The following PDIA5 variants were observed in gnomAD, a reference collection of about 807,000 sequenced individuals.
The protein encoded by PDIA5 is protein disulfide isomerase family A member 5.
Under a neutral mutation model 77.6 loss-of-function variants are expected in PDIA5, and 58 were observed. That is an observed-to-expected ratio of 0.75 (90% CI 0.61 to 0.93). The LOEUF is 0.93. Among genes scored for constraint, PDIA5 ranks in the 40% least tolerant of loss-of-function variants. The pLI is 0.00. For synonymous variants in PDIA5, 250 were observed against 252.1 expected (o/e 0.99, Z 0.08); for missense variants, 630 against 647.7 (o/e 0.97, Z 0.30).
rs186294858 is a variant in PDIA5 at position 123,151,098 on chromosome 3, C to T, written c.1273+734C>T. On this transcript the variant is annotated intron_variant, in intron 14 of 16. Coordinates refer to ENST00000316218, the MANE Select transcript of PDIA5 (RefSeq NM_006810.4). Reference sequence around the variant, plus strand: ...TAAACCTGCTCAGTTGTAGCTGGCCCTCCTGTTGGCTCCCCCGTCCCCACC... The same window carrying T: ...TAAACCTGCTCAGTTGTAGCTGGCCTTCCTGTTGGCTCCCCCGTCCCCACC... Among the ~76,000 whole-genome samples the T allele has an allele frequency of 1.4e-4, 22 of 152,320 alleles. No individual in the cohort carries two copies. The East Asian group carries it at 4.1e-3, about 28-fold the overall frequency.
intron 1 of PDIA5, among the ~76,000 whole-genome samples, chr3:123,084,367 G>T (rs1576435086): frequency 6.6e-6 from 1 of 151,872 alleles, no homozygotes; most frequent in Non-Finnish European, 1.5e-5. Context: ...CTTTGGCCCT[G>T]TCCCAGCCTC....
At chr3:123,106,877 A>C in intron 6 of PDIA5, 36 bp downstream of exon 6, 17 of 1,413,434 alleles carry the variant, frequency 1.2e-5, no homozygotes, top group African/African-American at 1.4e-5. Flanking sequence ...TGGATGCTGG[A>C]AGCTTCCCTG....
intron 3 of PDIA5, among the ~76,000 whole-genome samples, chr3:123,094,713 G>T (rs1242167413): frequency 6.6e-6 from 1 of 152,262 alleles, no homozygotes; most frequent in Admixed American, 6.5e-5. Context: ...GAACGAGTAG[G>T]TGGCACGGGG....
chr3:123,068,004 G>A (rs552962966), intron 1 of PDIA5, among the ~76,000 whole-genome samples: 1 of 152,142 alleles, frequency 6.6e-6, no homozygotes, highest in African/African-American at 2.4e-5. Context: ...TTGGTGGGGG[G>A]GACTCCAGGC....
Position 123,089,346 on chromosome 3 carries a change from C to T in PDIA5, c.169+52C>T, listed in dbSNP as rs747581390. On this transcript the variant is annotated intron_variant, in intron 2 of 16. Transcript: ENST00000316218. ...TCAACCATCGGGGTAGGATGGGATT[C>T]AGGGGAAGGAGTGGGAGGCAGGAGA... 4.4e-6 allele frequency: 7 copies of T among 1,587,952 alleles called. No homozygotes were observed. In the Admixed American group the frequency reaches 8.4e-5, roughly 19 times the overall value.
At chr3:123,100,543 G>C (rs1413197997) in intron 3 of PDIA5, among the ~76,000 whole-genome samples, 1 of 152,132 alleles carries the variant, frequency 6.6e-6, no homozygotes, top group Non-Finnish European at 1.5e-5. Flanking sequence ...AGTCCCCACT[G>C]TTTGCCAGGC....
intron 11 of PDIA5, among the ~76,000 whole-genome samples, chr3:123,143,450 G>T (rs904295358): frequency 6.6e-6 from 1 of 151,374 alleles, no homozygotes; most frequent in African/African-American, 2.4e-5. Flanking sequence ...TGAGTGTGTA[G>T]TGTGGGTACA....
At chr3:123,123,099 A>T (rs960196730) in intron 8 of PDIA5, among the ~76,000 whole-genome samples, 4 of 151,796 alleles carry the variant, frequency 2.6e-5, no homozygotes, top group Admixed American at 6.6e-5. Flanking sequence ...ACACAGCAAG[A>T]CCTCATCTCT....
chr3:123,144,235 C>T (rs544198816), intron 11 of PDIA5, among the ~76,000 whole-genome samples: 116 of 152,284 alleles, frequency 7.6e-4, no homozygotes, highest in African/African-American at 2.7e-3. Context: ...GTCTTGCTTT[C>T]TTCTTGTCTT....
At chr3:123,087,714 G>A (rs761273987) in intron 1 of PDIA5, among the ~76,000 whole-genome samples, 31 of 151,886 alleles carry the variant, frequency 2.0e-4, no homozygotes, top group Non-Finnish European at 3.8e-4. Flanking sequence ...TTTTGTAACC[G>A]GTGAACCTTG....
rs780086611 is a variant in PDIA5 at position 123,092,398 on chromosome 3, C to T, written c.213C>T (p.Ala71=). 5.5e-5 allele frequency: 89 copies of T among 1,613,838 alleles called. No individual in the cohort carries two copies. The Admixed American group carries it at 6.3e-4, about 11-fold the overall frequency. The change falls in exon 3 of 17, where the codon GCC becomes GCT. Residue 71 remains alanine, a synonymous_variant. Transcript: ENST00000316218. The part of the protein sequence containing the change: ...ENHLRLLSTV[A]QAVKGQGTIC... ...ATCTCAGGTTACTGTCCACAGTGGC[C>T]CAGGCGGTGAAAGGACAAGGGACCA...
chr3:123,067,331 G>A (rs1933594230), intron 1 of PDIA5, 125 bp downstream of exon 1: 4 of 827,442 alleles, frequency 4.8e-6, no homozygotes, highest in Non-Finnish European at 4.9e-6. Flanking sequence ...GGATGAGGGC[G>A]TGCATGCCAG....
At position 123,092,341 on chromosome 3, in the gene PDIA5, T is replaced by G. The variant is rs767081959; in HGVS notation, c.170-14T>G. 3.4e-5 allele frequency: 50 copies of G among 1,460,458 alleles called. No individual in the cohort carries two copies. The Middle Eastern group carries it at 1.2e-3, about 36-fold the overall frequency. 90.5% of individuals were successfully genotyped at this position (1,460,458 alleles called of 1,614,324 possible). ...TTGGTCACAGATGTTTAATTTTTTG[T>G]TTTTTTTTTACAGAGGTGGCAGCTG... On this transcript the variant is annotated splice_polypyrimidine_tract_variant and intron_variant, in intron 2 of 16. Coordinates refer to ENST00000316218, the MANE Select transcript of PDIA5 (RefSeq NM_006810.4).
At chr3:123,133,169 C>T (rs1459126776) in intron 11 of PDIA5, among the ~76,000 whole-genome samples, 8 of 152,156 alleles carry the variant, frequency 5.3e-5, no homozygotes, top group Non-Finnish European at 1.0e-4. Flanking sequence ...GTATCTCATG[C>T]CAGAGTGCTT....
chr3:123,106,947 T>C (rs1934749614), intron 6 of PDIA5, 106 bp downstream of exon 6: 1 of 761,664 alleles, frequency 1.3e-6, no homozygotes, highest in Non-Finnish European at 2.2e-6. Flanking sequence ...TATTCCAGGA[T>C]CACTTGTACT....
intron 1 of PDIA5, among the ~76,000 whole-genome samples, chr3:123,084,382 C>G (rs1407372084): frequency 6.6e-6 from 1 of 152,126 alleles, no homozygotes; most frequent in Non-Finnish European, 1.5e-5. Flanking sequence ...AGCCTCCCCA[C>G]TCTGACTGCC....
chr3:123,102,642 C>A, intron 4 of PDIA5, 109 bp from the exon 5 acceptor site: 3 of 1,111,614 alleles, frequency 2.7e-6, no homozygotes, highest in Non-Finnish European at 4.0e-6. Context: ...AAAAAAAAAT[C>A]CTGAACTCCG....
intron 11 of PDIA5, among the ~76,000 whole-genome samples, chr3:123,141,662 G>C (rs536179592): frequency 6.6e-6 from 1 of 152,232 alleles, no homozygotes; most frequent in African/African-American, 2.4e-5. Flanking sequence ...GGTTGCCCCC[G>C]GGGCAGGGAG....
chr3:123,098,013 A>T (rs762824303), intron 3 of PDIA5, among the ~76,000 whole-genome samples: 3 of 152,094 alleles, frequency 2.0e-5, no homozygotes, highest in Non-Finnish European at 4.4e-5. Context: ...CTGACTGAGG[A>T]TCTGGTTGGG....
Sources: allele counts gnomAD v4.1 joint callset (sites outside exome capture counted in the v4.1 genomes callset), GRCh38; gene constraint gnomAD v4.1.1; transcripts MANE v1.5; gene names NCBI Gene and HGNC (gene_info 2026-07-23, HGNC 2026-07-21).